BLTP1: variants seen among roughly 807,000 people sequenced by gnomAD.
BLTP1 encodes bridge-like lipid transfer protein family member 1.
chr4:122,320,670 C>A, the BLTP1 span, among the ~76,000 whole-genome samples: 2 of 152,026 alleles, frequency 1.3e-5, no homozygotes, highest in African/African-American at 4.8e-5. Flanking sequence ...ATCTATGTGT[C>A]TTTAAATATA....
the BLTP1 span, chr4:122,207,565 C>T: frequency 1.3e-6 from 2 of 1,523,558 alleles, no homozygotes; most frequent in Non-Finnish European, 1.8e-6. Flanking sequence ...TGTGGAGAAA[C>T]ACTAAACATT....
the BLTP1 span, among the ~76,000 whole-genome samples, chr4:122,300,543 T>A: frequency 6.6e-6 from 1 of 152,132 alleles, no homozygotes; most frequent in East Asian, 1.9e-4. Context: ...TATTTTCTGT[T>A]CTAGTAGAAA....
chr4:122,165,784 A>G, the BLTP1 span, among the ~76,000 whole-genome samples: 1 of 140,322 alleles, frequency 7.1e-6, no homozygotes, highest in Non-Finnish European at 1.6e-5. Flanking sequence ...GTGAGATGGT[A>G]TCTCATTGTG....
chr4:122,266,804 A>T, the BLTP1 span: 1 of 1,604,010 alleles, frequency 6.2e-7, no homozygotes, highest in South Asian at 1.1e-5. Flanking sequence ...GCCTCTTCTG[A>T]GTCATACAGG....
At chr4:122,326,528 G>T in the BLTP1 span, among the ~76,000 whole-genome samples, 2 of 151,500 alleles carry the variant, frequency 1.3e-5, no homozygotes. Context: ...ATTTTTTAAA[G>T]AACTATTTAA....
chr4:122,259,931 G>T, the BLTP1 span: 1 of 915,696 alleles, frequency 1.1e-6, no homozygotes, highest in South Asian at 5.1e-5. Context: ...TCTGTAAAAT[G>T]ATAATTTTGA....
At chr4:122,185,477 GATTC>G in the BLTP1 span, 36 of 945,486 alleles carry the variant, frequency 3.8e-5, no homozygotes, top group African/African-American at 6.0e-4. Context: ...ACTTTAAATG[GATTC>G]ATTAATTACT....
chr4:122,280,747 CATT>C, the BLTP1 span, among the ~76,000 whole-genome samples: 1 of 148,436 alleles, frequency 6.7e-6, no homozygotes, highest in Non-Finnish European at 1.5e-5. Flanking sequence ...AGTGGGAAAA[CATT>C]AGTGTGTCTT....
the BLTP1 span, among the ~76,000 whole-genome samples, chr4:122,262,218 T>G: frequency 6.7e-6 from 1 of 149,132 alleles, no homozygotes; most frequent in African/African-American, 2.4e-5. Flanking sequence ...ATATTTTGTG[T>G]AAGGGATATT....
chr4:122,298,153 T>A, the BLTP1 span: 1 of 734,478 alleles, frequency 1.4e-6, no homozygotes, highest in Non-Finnish European at 1.7e-6. Flanking sequence ...GTTTTGATTC[T>A]TATTACTTAG....
the BLTP1 span, chr4:122,184,595 G>A: frequency 1.8e-6 from 1 of 550,172 alleles, no homozygotes; most frequent in Non-Finnish European, 2.3e-6. Flanking sequence ...AGCTGAGATT[G>A]TGCCATTGCA....
the BLTP1 span, among the ~76,000 whole-genome samples, chr4:122,185,685 G>A: frequency 6.6e-6 from 1 of 151,972 alleles, no homozygotes. Flanking sequence ...ACATTTTACT[G>A]CATATATTTT....
At chr4:122,330,846 A>C in the BLTP1 span, 1 of 219,756 alleles carries the variant, frequency 4.6e-6, no homozygotes, top group Admixed American at 6.6e-5. Context: ...TCAGGTGTTA[A>C]GTCTTTAATC....
chr4:122,239,611 A>G, the BLTP1 span: 4 of 1,614,124 alleles, frequency 2.5e-6, no homozygotes, highest in Non-Finnish European at 3.4e-6. Flanking sequence ...TTGAAACGAC[A>G]AGCCTCTGTC....
At chr4:122,348,157 G>A in the BLTP1 span, among the ~76,000 whole-genome samples, 1 of 152,106 alleles carries the variant, frequency 6.6e-6, no homozygotes. Context: ...AAGTCCATAA[G>A]AACACAAAAG....
At chr4:122,280,388 C>T in the BLTP1 span, among the ~76,000 whole-genome samples, 3 of 152,162 alleles carry the variant, frequency 2.0e-5, no homozygotes, top group Non-Finnish European at 4.4e-5. Context: ...CAGCATTTGA[C>T]CATGCCACAT....
chr4:122,277,469 C>T, the BLTP1 span: 6 of 981,880 alleles, frequency 6.1e-6, no homozygotes, highest in Non-Finnish European at 7.3e-6. Flanking sequence ...CATTCTTTTG[C>T]TTTACTTCTT....
the BLTP1 span, chr4:122,352,939 G>T: frequency 6.2e-7 from 1 of 1,613,940 alleles, no homozygotes; most frequent in Non-Finnish European, 8.5e-7. Flanking sequence ...CTGGCCTGGA[G>T]TATTGAAGGT....
chr4:122,180,191 TTAC>T, the BLTP1 span: 4 of 985,062 alleles, frequency 4.1e-6, no homozygotes, highest in Non-Finnish European at 4.8e-6. Flanking sequence ...GTAACGTCAT[TTAC>T]TAATATTGTG....
Sources: gnomAD v4.1 joint callset for allele counts (sites outside exome capture counted in the v4.1 genomes callset) on GRCh38, gnomAD v4.1.1 for gene constraint, MANE v1.5 for transcripts, NCBI Gene and HGNC (gene_info 2026-07-23, HGNC 2026-07-21) for gene names.